TET3: variants seen among roughly 807,000 people sequenced by gnomAD.
The protein encoded by TET3 is tet methylcytosine dioxygenase 3, also known as methylcytosine dioxygenase TET3.
In TET3, 19 loss-of-function variants were observed where a neutral mutation model predicts 141.4. That is an observed-to-expected ratio of 0.13 (90% confidence interval 0.09 to 0.20). TET3 has a LOEUF of 0.20. TET3 is among the 10% of genes least tolerant of loss of function. TET3 has a pLI of 1.00. For missense variants in TET3, 1,874 were observed against 2,356.9 expected, an observed-to-expected ratio of 0.80 and a Z score of 4.24; for synonymous variants, 1,043 against 980.9, an observed-to-expected ratio of 1.06 and a Z score of -1.18.
rs2103678064 is a variant in TET3, at chr2:74,046,735, A to G, written c.818A>G (p.Asn273Ser). 1 of 1,613,916 alleles carries G rather than the reference A, an allele frequency of 6.2e-7. No individual in the cohort carries two copies. The highest frequency in any genetic ancestry group is 8.5e-7 in the Non-Finnish European group (1 of 1,179,874). ...CATGGTATGAAACCACCCAACTGCA[A>G]CTGCGATGGCCCAGAATGCCCTGAC... ...ARHGMKPPNC[N>S]CDGPECPDYL... The change falls in exon 4 of 12, where the codon AAC (asparagine) becomes AGC (serine). Residue 273 changes from asparagine to serine, a missense_variant. Physicochemically the swap from Asn to Ser is conservative, Grantham distance 46. Around this residue, in one of 10 missense-constraint regions of TET3, gnomAD observed 366 missense variants for 487.0 expected, o/e 0.75. Coordinates refer to ENST00000409262, the MANE Select transcript of TET3 (RefSeq NM_001287491.2). This position sits in a 1 kb window ranked among gnomAD's most constrained non-coding sequence, Gnocchi z 4.3.
intron 4 of TET3, among the ~76,000 whole-genome samples, chr2:74,064,223 C>T (rs1259468544): frequency 2.0e-5 from 3 of 151,526 alleles, no homozygotes; most frequent in East Asian, 3.9e-4. Context: ...CCCGTATACA[C>T]GCATGAATTT....
At chr2:74,049,862 T>C (rs1039509834) in intron 4 of TET3, among the ~76,000 whole-genome samples, 1 of 152,100 alleles carries the variant, frequency 6.6e-6, no homozygotes, top group Non-Finnish European at 1.5e-5. Flanking sequence ...ACAGATATGC[T>C]GCCAGGCACT....
chr2:74,001,136 C>T (rs1415498059), intron 2 of TET3, among the ~76,000 whole-genome samples: 13 of 152,138 alleles, frequency 8.5e-5, no homozygotes, highest in Admixed American at 7.9e-4. Flanking sequence ...TCCCTCCCTG[C>T]CCTGTGTTCC....
downstream of TET3, among the ~76,000 whole-genome samples, chr2:74,108,513 GT>G (rs915995564): frequency 9.2e-5 from 14 of 152,000 alleles, no homozygotes; most frequent in African/African-American, 3.4e-4. Flanking sequence ...AACTTCTGAT[GT>G]TTGTTAGGTT....
chr2:74,038,156 A>G (rs1305469609), intron 3 of TET3, among the ~76,000 whole-genome samples: 1 of 152,176 alleles, frequency 6.6e-6, no homozygotes, highest in East Asian at 1.9e-4. Flanking sequence ...GTGCAGGGTC[A>G]CCTTCAGCAC....
chr2:74,097,222 C>CACACACACACAT (rs1553435470), intron 10 of TET3, among the ~76,000 whole-genome samples: 8 of 151,310 alleles, frequency 5.3e-5, no homozygotes, highest in Admixed American at 6.6e-5. Context: ...CACACACACA[C>CACACACACACAT]ACACACACAT....
chr2:74,115,178 A>C, the TET3 span, among the ~76,000 whole-genome samples: 1 of 152,210 alleles, frequency 6.6e-6, no homozygotes, highest in Non-Finnish European at 1.5e-5. Flanking sequence ...AATCTACAGA[A>C]TGGGAGAAAG....
At chr2:74,069,301 G>A (rs1689075634) in intron 4 of TET3, among the ~76,000 whole-genome samples, 1 of 150,258 alleles carries the variant, frequency 6.7e-6, no homozygotes, top group African/African-American at 2.5e-5. Context: ...GGTATCTTAT[G>A]TGTAGGTCTT....
intron 4 of TET3, among the ~76,000 whole-genome samples, chr2:74,061,314 C>T (rs1383480502): frequency 1.5e-5 from 2 of 136,696 alleles, no homozygotes; most frequent in East Asian, 4.7e-4. Flanking sequence ...CCAGTAGGGG[C>T]GGCCGGGCAG....
At chr2:74,064,151 G>T (rs1029438553) in intron 4 of TET3, among the ~76,000 whole-genome samples, 1 of 151,964 alleles carries the variant, frequency 6.6e-6, no homozygotes, top group Non-Finnish European at 1.5e-5. Flanking sequence ...CTCTGAAGTC[G>T]GGATATAGCT....
At chr2:74,078,980 C>G (rs918200175) in intron 5 of TET3, among the ~76,000 whole-genome samples, 4 of 152,232 alleles carry the variant, frequency 2.6e-5, no homozygotes, top group African/African-American at 4.8e-5. Flanking sequence ...TAGCCAGTTT[C>G]ATGCTCAGTG....
chr2:73,984,601 T>TCGCCGGCCCCGGCTGCAGCCC (rs1683898677), upstream of TET3, among the ~76,000 whole-genome samples: 3 of 151,556 alleles, frequency 2.0e-5, no homozygotes, highest in Non-Finnish European at 2.9e-5. The surrounding 1 kb of genome is among the most constrained non-coding windows in gnomAD (Gnocchi z 5.6). Context: ...CCACCCCGCC[T>TCGCCGGCCCCGGCTGCAGCCC]CGCCGGCCCC....
chr2:74,096,519 C>G (rs1175116719), intron 10 of TET3, among the ~76,000 whole-genome samples: 1 of 152,122 alleles, frequency 6.6e-6, no homozygotes, highest in African/African-American at 2.4e-5. Flanking sequence ...GTAATCCCAG[C>G]ACTTTGGGAG....
intron 10 of TET3, among the ~76,000 whole-genome samples, chr2:74,096,928 C>CA (rs951449302): frequency 2.0e-5 from 3 of 151,608 alleles, no homozygotes; most frequent in African/African-American, 4.8e-5. Context: ...CCTATCTCTA[C>CA]AAAAAATACC....
intron 7 of TET3, among the ~76,000 whole-genome samples, chr2:74,088,906 C>T (rs1330923952): frequency 4.6e-5 from 7 of 151,954 alleles, no homozygotes; most frequent in Non-Finnish European, 1.0e-4. Flanking sequence ...CATGGCGAAA[C>T]CCTGTCTTTA....
intron 3 of TET3, among the ~76,000 whole-genome samples, chr2:74,019,410 G>T (rs1156304130): frequency 6.6e-6 from 1 of 152,096 alleles, no homozygotes. Context: ...ATCTTTGCCC[G>T]CATATTAGAA....
In TET3 at chr2:74,099,482, C is replaced by T; in HGVS notation, c.3474C>T (p.Ser1158=). ...GACGCCTGCCCGAGCCTGCCAAGTC[C>T]TGCCGCCAGCGGCAGCTGGAAGCCA... is the stretch of plus-strand genomic sequence containing the variant. The part of the protein sequence containing the change: ...EVRRLPEPAK[S]CRQRQLEARK... The change falls in exon 11 of 12, where the codon TCC becomes TCT. Residue 1158 remains serine, a synonymous_variant. Coordinates refer to ENST00000409262, the MANE Select transcript of TET3 (RefSeq NM_001287491.2). 2 of 1,613,786 alleles carry T rather than the reference C, an allele frequency of 1.2e-6. No individual in the cohort carries two copies. The highest frequency in any genetic ancestry group is 1.7e-6 in the Non-Finnish European group (2 of 1,179,842).
the TET3 span, among the ~76,000 whole-genome samples, chr2:74,130,247 T>C: frequency 6.6e-6 from 1 of 152,206 alleles, no homozygotes; most frequent in Non-Finnish European, 1.5e-5. Flanking sequence ...CCTAAACACC[T>C]TTTCCTTACA....
chr2:74,025,949 AAT>A, intron 3 of TET3, among the ~76,000 whole-genome samples: 1 of 151,516 alleles, frequency 6.6e-6, no homozygotes, highest in Non-Finnish European at 1.5e-5. Context: ...AAAAAAAAAT[AAT>A]AATAATAATT....
Sources: gnomAD v4.1 joint callset for allele counts (sites outside exome capture counted in the v4.1 genomes callset) on GRCh38, gnomAD v4.1.1 for gene constraint, gnomAD v4.1.1 regional missense constraint, Gnocchi (gnomAD v3.1) non-coding constraint, MANE v1.5 for transcripts, NCBI Gene and HGNC (gene_info 2026-07-23, HGNC 2026-07-21) for gene names.